The following VAV2 variants were observed in gnomAD, a reference collection of about 807,000 sequenced individuals.
VAV2 encodes vav guanine nucleotide exchange factor 2.
VAV2 carries 67 observed loss-of-function variants against 132.5 expected under a neutral mutation model. The ratio of observed to expected loss-of-function variants is 0.51; its 90% CI spans 0.42 to 0.62. The LOEUF (loss-of-function observed/expected upper bound fraction) is 0.62, where lower values mean the gene tolerates loss of function less well. Among genes scored for constraint, VAV2 ranks in the 20% least tolerant of loss-of-function variants. VAV2 has a pLI of 0.00. For missense variants in VAV2, 938 were observed against 1,153.6 expected, an observed-to-expected ratio of 0.81 and a Z score of 2.71; for synonymous variants, 492 against 443.5, an observed-to-expected ratio of 1.11 and a Z score of -1.37.
intron 4 of VAV2, among the ~76,000 whole-genome samples, chr9:133,818,222 C>G (rs1025077728): frequency 6.6e-6 from 1 of 152,022 alleles, no homozygotes; most frequent in African/African-American, 2.4e-5. Flanking sequence ...AAAAATTAGC[C>G]AGGCATGGTG....
intron 2 of VAV2, among the ~76,000 whole-genome samples, chr9:133,908,800 G>A (rs1321270268): frequency 6.6e-6 from 1 of 152,234 alleles, no homozygotes; most frequent in African/African-American, 2.4e-5. Flanking sequence ...GCCCCCTCGG[G>A]AGCGGACTTC....
rs1834263283 is a variant in VAV2, at chr9:133,787,238, G to A, written c.1422+8C>T. On this transcript the variant is annotated splice_region_variant and intron_variant, in intron 16 of 29. Coordinates refer to ENST00000371850, the MANE Select transcript of VAV2 (RefSeq NM_001134398.2). ...GCAGGTGGGAGGACCTGGGCGCTAG[G>A]TGCTTACCATTTTCCCGTGAGACTA... 6.3e-7 allele frequency: 1 copy of A among 1,584,456 alleles called. No individual in the cohort carries two copies.
chr9:133,855,357 G>A (rs1332651970), intron 3 of VAV2, among the ~76,000 whole-genome samples: 1 of 152,252 alleles, frequency 6.6e-6, no homozygotes, highest in East Asian at 1.9e-4. Context: ...TACCTTGTAG[G>A]TGATTTGGGA....
At chr9:133,880,661 C>G (rs1280820368) in intron 2 of VAV2, among the ~76,000 whole-genome samples, 1 of 152,216 alleles carries the variant, frequency 6.6e-6, no homozygotes, top group African/African-American at 2.4e-5. Flanking sequence ...GCCAGAGTCA[C>G]TTCAGTTAGT....
intron 3 of VAV2, among the ~76,000 whole-genome samples, chr9:133,846,074 G>A (rs1397471505): frequency 6.6e-6 from 1 of 152,204 alleles, no homozygotes; most frequent in Non-Finnish European, 1.5e-5. Context: ...CTCACAGGAC[G>A]GAAGCTGTGC....
At chr9:133,938,513 A>C (rs1337559403) in intron 2 of VAV2, among the ~76,000 whole-genome samples, 1 of 4,188 alleles carries the variant, frequency 2.4e-4, no homozygotes, top group Non-Finnish European at 4.3e-3. Context: ...CGGCTCCTGC[A>C]TGCAGGACTG....
chr9:133,785,203 G>A (rs1834170284), intron 17 of VAV2, among the ~76,000 whole-genome samples: 1 of 152,164 alleles, frequency 6.6e-6, no homozygotes. Flanking sequence ...AGAGAGGCGA[G>A]TGCACCTGCC....
At chr9:133,958,484 T>TGA (rs1841862692) in intron 1 of VAV2, among the ~76,000 whole-genome samples, 3 of 150,852 alleles carry the variant, frequency 2.0e-5, no homozygotes, top group African/African-American at 7.3e-5. Flanking sequence ...TTTGTTCACG[T>TGA]GTTTGTCTGC....
At chr9:133,956,354 TG>T (rs1841779497) in intron 1 of VAV2, among the ~76,000 whole-genome samples, 1 of 152,164 alleles carries the variant, frequency 6.6e-6, no homozygotes, top group African/African-American at 2.4e-5. Flanking sequence ...GGAGGGTCTC[TG>T]GTTCTCAGCT....
At chr9:133,937,490 AAG>A (rs1840960809) in intron 2 of VAV2, among the ~76,000 whole-genome samples, 1 of 31,968 alleles carries the variant, frequency 3.1e-5, no homozygotes, top group African/African-American at 5.8e-5. Flanking sequence ...GGGTGGGTGC[AAG>A]AGTGTGTGCG....
intron 1 of VAV2, among the ~76,000 whole-genome samples, chr9:133,953,633 C>T (rs570883424): frequency 2.6e-5 from 4 of 152,304 alleles, no homozygotes; most frequent in East Asian, 3.9e-4. Context: ...ACCTCAGACC[C>T]AGTTCCCTCT....
At chr9:133,813,832 T>C (rs739451) in intron 4 of VAV2, among the ~76,000 whole-genome samples, 33,241 of 152,212 alleles carry the variant, frequency 0.22, 3,669 homozygotes, top group African/African-American at 0.26. Flanking sequence ...CACCGACCCA[T>C]GGGCAAGCCC....
At chr9:133,978,209 T>A (rs1472231425) in intron 1 of VAV2, among the ~76,000 whole-genome samples, 2 of 152,108 alleles carry the variant, frequency 1.3e-5, no homozygotes, top group Non-Finnish European at 2.9e-5. Flanking sequence ...GGTCCCAGGG[T>A]CCACTAGGAG....
At chr9:133,894,311 C>A (rs1839107913) in intron 2 of VAV2, among the ~76,000 whole-genome samples, 1 of 152,226 alleles carries the variant, frequency 6.6e-6, no homozygotes, top group South Asian at 2.1e-4. Context: ...CAGACCCAGA[C>A]CTGGTGCAAC....
In VAV2 at chr9:133,912,982, A is replaced by G. The variant is rs936055457; in HGVS notation, c.321+26121T>C. Among the ~76,000 whole-genome samples, 16 of 152,266 alleles carry G rather than the reference A, an allele frequency of 1.1e-4. No individual in the cohort carries two copies. The highest frequency in any genetic ancestry group is 3.4e-3 in the Middle Eastern group (1 of 294). On this transcript the variant is annotated intron_variant, in intron 2 of 29. Coordinates refer to ENST00000371850, the MANE Select transcript of VAV2 (RefSeq NM_001134398.2). The surrounding 1 kb of genome is among the most constrained non-coding windows in gnomAD (Gnocchi z 4.3). Reference sequence around the variant, plus strand: ...AGTGCCATTTGGAACCGGGTTTGGGAGGCAGGCACTGTCCTCTGAAGGCCC... The same window carrying G: ...AGTGCCATTTGGAACCGGGTTTGGGGGGCAGGCACTGTCCTCTGAAGGCCC...
chr9:133,844,885 C>T (rs1836869055), intron 3 of VAV2, among the ~76,000 whole-genome samples: 1 of 152,266 alleles, frequency 6.6e-6, no homozygotes, highest in African/African-American at 2.4e-5. Context: ...CTGTGCCCGA[C>T]GGTGCCCATG....
intron 7 of VAV2, 72 bp from the exon 8 acceptor site, chr9:133,807,398 G>A: frequency 2.7e-6 from 4 of 1,491,168 alleles, no homozygotes; most frequent in Non-Finnish European, 3.6e-6. Context: ...GCTGCCAGGG[G>A]AGGGTCCCAG....
chr9:133,841,874 C>T (rs2428118), intron 3 of VAV2, among the ~76,000 whole-genome samples: 2,241 of 152,274 alleles, frequency 0.015, 48 homozygotes, highest in African/African-American at 0.051. Context: ...TCTCCCCTTC[C>T]GCTTTCCACC....
At chr9:133,817,423 T>G (rs7020737) in intron 4 of VAV2, among the ~76,000 whole-genome samples, 1 of 152,006 alleles carries the variant, frequency 6.6e-6, no homozygotes, top group South Asian at 2.1e-4. Context: ...GAGGCCGAGG[T>G]GGGTGGATCA....
Sources: allele counts gnomAD v4.1 joint callset (sites outside exome capture counted in the v4.1 genomes callset), GRCh38; gene constraint gnomAD v4.1.1; non-coding constraint Gnocchi (gnomAD v3.1); transcripts MANE v1.5; gene names NCBI Gene and HGNC (gene_info 2026-07-23, HGNC 2026-07-21).